Variants in SUGP1 observed in about 807,000 individuals in gnomAD.
SUGP1 encodes SURP and G-patch domain-containing protein 1.
In SUGP1, 34 loss-of-function variants were observed where a neutral mutation model predicts 76.5. That is an observed-to-expected ratio of 0.44 (90% confidence interval 0.34 to 0.59). The LOEUF (loss-of-function observed/expected upper bound fraction) is 0.59, where lower values mean the gene tolerates loss of function less well. Among genes scored for constraint, SUGP1 ranks in the 20% least tolerant of loss-of-function variants. The pLI, the probability that SUGP1 is intolerant of heterozygous loss-of-function variation, is 0.01. For synonymous variants in SUGP1, 326 were observed against 326.2 expected, an observed-to-expected ratio of 1.00 and a Z score of 0.01; for missense variants, 752 against 851.7, an observed-to-expected ratio of 0.88 and a Z score of 1.46.
At position 19,279,341 on chromosome 19, in the gene SUGP1, T is replaced by C; in HGVS notation, c.1400A>G (p.Asp467Gly). Residue 467 changes from aspartate (D) to glycine (G), a missense_variant, in exon 10 of 14, where the codon GAC (aspartate) becomes GGC (glycine). Coordinates refer to ENST00000247001, the MANE Select transcript of SUGP1 (RefSeq NM_172231.4). ...MIMQHKRAMQDMQLLWEKAVQ... is the reference protein window; with the variant it reads ...MIMQHKRAMQGMQLLWEKAVQ... ...TGCCTTCTCCCACAGCAGCTGCATG[T>C]CCTGCATGGCCCGCTTGTGCTGCAT... The C allele has an allele frequency of 1.9e-6, 3 of 1,610,706 alleles. No homozygotes were observed. The highest frequency in any genetic ancestry group is 2.5e-6 in the Non-Finnish European group (3 of 1,179,810).
intron 3 of SUGP1, among the ~76,000 whole-genome samples, chr19:19,307,439 T>C (rs1382490085): frequency 6.6e-6 from 1 of 152,020 alleles, no homozygotes; most frequent in African/African-American, 2.4e-5. Context: ...TGAGATTTAG[T>C]TGGACCATCT....
At chr19:19,316,674 C>T in intron 1 of SUGP1, 81 bp from the exon 2 acceptor site, 1 of 1,468,642 alleles carries the variant, frequency 6.8e-7, no homozygotes, top group Non-Finnish European at 9.3e-7. Context: ...CAGAGAGCAA[C>T]TGATGTTCAG....
chr19:19,310,618 A>C (rs967424557), intron 2 of SUGP1, among the ~76,000 whole-genome samples: 1 of 152,004 alleles, frequency 6.6e-6, no homozygotes, highest in Non-Finnish European at 1.5e-5. Flanking sequence ...CAGGGCCTAC[A>C]TGTCTCTCTC....
chr19:19,283,539 C>G (rs538334433), intron 8 of SUGP1, among the ~76,000 whole-genome samples: 66 of 152,260 alleles, frequency 4.3e-4, no homozygotes, highest in Non-Finnish European at 8.4e-4. Context: ...ACTGCAACCT[C>G]CGCCTCCTGG....
intron 2 of SUGP1, among the ~76,000 whole-genome samples, chr19:19,311,237 A>G (rs990780381): frequency 2.0e-5 from 3 of 151,986 alleles, no homozygotes; most frequent in African/African-American, 4.8e-5. Flanking sequence ...TGACAACAGT[A>G]TATCAGCTGT....
intron 8 of SUGP1, among the ~76,000 whole-genome samples, chr19:19,290,300 A>T (rs1263904145): frequency 6.6e-6 from 1 of 152,144 alleles, no homozygotes; most frequent in Non-Finnish European, 1.5e-5. Flanking sequence ...TACAAGGAGA[A>T]CTGAGTGTGC....
chr19:19,293,137 C>T (rs1008948271), intron 8 of SUGP1, among the ~76,000 whole-genome samples: 24 of 151,678 alleles, frequency 1.6e-4, no homozygotes, highest in African/African-American at 3.4e-4. Flanking sequence ...CTTGAATTCC[C>T]GGCCTCAAGT....
intron 8 of SUGP1, among the ~76,000 whole-genome samples, chr19:19,293,687 G>C (rs759227171): frequency 1.3e-5 from 2 of 152,040 alleles, no homozygotes; most frequent in African/African-American, 2.4e-5. Context: ...TTCACAGACT[G>C]GTAAAAGGCT....
intron 8 of SUGP1, among the ~76,000 whole-genome samples, chr19:19,281,997 C>T (rs969621970): frequency 1.3e-5 from 2 of 151,978 alleles, no homozygotes; most frequent in African/African-American, 4.8e-5. Context: ...TCATTTTTCC[C>T]GAGATGGAGT....
In SUGP1 at chr19:19,304,110, C is replaced by G. The variant is rs1313572039; in HGVS notation, c.539-263G>C. On this transcript the variant is annotated intron_variant, in intron 4 of 13. Coordinates refer to ENST00000247001, the MANE Select transcript of SUGP1 (RefSeq NM_172231.4). ...GCTGGAAGCTAGCAGAAAATATATC[C>G]AGCTTCCCCTGGTTTTGGTGGGGGA... 3.8e-6 allele frequency: 5 copies of G among 1,302,056 alleles called. No homozygotes were observed. In the East Asian group the frequency reaches 1.3e-4, roughly 33 times the overall value. The allele number at this position is 1,302,056 out of a possible 1,614,324, so 80.7% of individuals were successfully genotyped here.
At chr19:19,296,419 G>A (rs773957100) in intron 8 of SUGP1, among the ~76,000 whole-genome samples, 6 of 152,138 alleles carry the variant, frequency 3.9e-5, no homozygotes, top group South Asian at 2.1e-4. Flanking sequence ...AGGCCGAAGC[G>A]GGAGATCACG....
At chr19:19,307,282 T>TA (rs1372239560) in intron 3 of SUGP1, among the ~76,000 whole-genome samples, 2 of 152,030 alleles carry the variant, frequency 1.3e-5, no homozygotes, top group Admixed American at 1.3e-4. Flanking sequence ...CTCACACTCT[T>TA]AGATTCAAGC....
At chr19:19,285,665 A>G (rs1201729002) in intron 8 of SUGP1, among the ~76,000 whole-genome samples, 2 of 152,284 alleles carry the variant, frequency 1.3e-5, no homozygotes, top group East Asian at 3.9e-4. Flanking sequence ...TCCCAGGCTC[A>G]AGTGAACCTC....
chr19:19,302,962 C>G (rs540887753), intron 6 of SUGP1, among the ~76,000 whole-genome samples: 1 of 152,196 alleles, frequency 6.6e-6, no homozygotes, highest in Non-Finnish European at 1.5e-5. Context: ...CTACACTACA[C>G]TTGCCTTGCC....
Position 19,276,775 on chromosome 19 carries a change from G to A in SUGP1, c.1912-101C>T, listed in dbSNP as rs2061052696. 15 of 1,580,542 alleles carry A rather than the reference G, an allele frequency of 9.5e-6. No homozygotes were observed. In the East Asian group the frequency reaches 3.4e-4, roughly 35 times the overall value. On this transcript the variant is annotated intron_variant, in intron 13 of 13. Coordinates refer to ENST00000247001, the MANE Select transcript of SUGP1 (RefSeq NM_172231.4). The stretch of plus-strand genomic sequence containing the variant: ...CGGAGGCAGCTGAGCCCGCACCCTT[G>A]AGGTGGCAGGGCAGGCTTGGGGGAC...
At chr19:19,308,141 C>T (rs2061330076) in intron 3 of SUGP1, among the ~76,000 whole-genome samples, 2 of 152,252 alleles carry the variant, frequency 1.3e-5, no homozygotes, top group Admixed American at 1.3e-4. Context: ...AGTGATCCAC[C>T]CATCTCAGCC....
intron 8 of SUGP1, among the ~76,000 whole-genome samples, chr19:19,293,578 CA>C (rs59794179): frequency 0.43 from 63,026 of 145,910 alleles, 14,568 homozygotes; most frequent in African/African-American, 0.63. Flanking sequence ...GACTCTGTCT[CA>C]AAAAAAAAAA....
chr19:19,298,059 C>T (rs1247980058), intron 7 of SUGP1, among the ~76,000 whole-genome samples: 2 of 152,230 alleles, frequency 1.3e-5, no homozygotes, highest in Non-Finnish European at 2.9e-5. Context: ...CGGGAGAGAA[C>T]TGAATGCATG....
Position 19,297,065 on chromosome 19 carries a change from A to G in SUGP1, c.1167T>C (p.Pro389=). 1 of 1,612,850 alleles carries G rather than the reference A, an allele frequency of 6.2e-7. No individual in the cohort carries two copies. Among genetic ancestry groups the G allele is most frequent in the Non-Finnish European group, 8.5e-7 (1 of 1,179,854 alleles). Reference sequence around the variant, plus strand: ...GTGGGAGCTCTACCTTATCCTCTTCAGGCCCCCACCGGCTCTTCCGCTTCC... The same window carrying G: ...GTGGGAGCTCTACCTTATCCTCTTCGGGCCCCCACCGGCTCTTCCGCTTCC... ...VKRKRKSRWG[P]EEDKVELPPA... is the part of the protein sequence containing the mutation. The change falls in exon 8 of 14, where the codon CCT becomes CCC. Residue 389 remains proline (P), a synonymous_variant. Coordinates refer to ENST00000247001, the MANE Select transcript of SUGP1 (RefSeq NM_172231.4).
Sources: allele counts gnomAD v4.1 joint callset (sites outside exome capture counted in the v4.1 genomes callset), GRCh38; gene constraint gnomAD v4.1.1; transcripts MANE v1.5; gene names NCBI Gene and HGNC (gene_info 2026-07-23, HGNC 2026-07-21).